SH3BP2: variants seen among roughly 807,000 people sequenced by gnomAD.
The protein encoded by SH3BP2 is SH3 domain binding protein 2, also known as SH3 domain-binding protein 2.
Under a neutral mutation model 56.2 loss-of-function variants are expected in SH3BP2, and 38 were observed. The observed-to-expected ratio is 0.68, with a 90% CI of 0.52 to 0.89. The LOEUF is 0.89. Among genes scored for constraint, SH3BP2 ranks in the 40% least tolerant of loss-of-function variants. The pLI, the probability that SH3BP2 is intolerant of heterozygous loss-of-function variation, is 0.00. For missense variants in SH3BP2, 748 were observed against 762.6 expected (o/e 0.98, Z 0.23); for synonymous variants, 346 against 316.7 (o/e 1.09, Z -0.98).
chr4:2,831,973 G>A lies in SH3BP2; in HGVS notation c.1401G>A (p.Val467=). The change falls in exon 10 of 13, where the codon GTG becomes GTA. Residue 467 remains valine (V), a synonymous_variant. Coordinates refer to ENST00000503393, the MANE Select transcript of SH3BP2 (RefSeq NM_001122681.2). This position sits in a 1 kb window ranked among gnomAD's most constrained non-coding sequence, Gnocchi z 4.1. ...TCAACACCACGGAGTCCTGCGAAGT[G>A]GAAAGGTCAGCACAAAGCCCTGTGT... ...VFVNTTESCE[V]ERLFKATSPR... is the part of the protein sequence containing the mutation. 6.2e-7 allele frequency: 1 copy of A among 1,612,980 alleles called. No homozygotes were observed.
intron 2 of SH3BP2, among the ~76,000 whole-genome samples, chr4:2,821,050 C>G (rs1241388742): frequency 6.6e-6 from 1 of 152,158 alleles, no homozygotes; most frequent in African/African-American, 2.4e-5. Flanking sequence ...CTGGTGCTGC[C>G]CTCACTGAAT....
Position 2,834,041 on chromosome 4 carries a change from C to T in SH3BP2, c.*207C>T, listed in dbSNP as rs1178491031. ...GAACCAGGCGCCAGGCTCCAGAGGA[C>T]GAAGGGACTCTGTTGCCCCACACTA... On this transcript the variant is annotated 3_prime_UTR_variant, in exon 13 of 13. Coordinates refer to ENST00000503393, the MANE Select transcript of SH3BP2 (RefSeq NM_001122681.2). 7 of 610,252 alleles carry T rather than the reference C, an allele frequency of 1.1e-5. No individual in the cohort carries two copies. Among genetic ancestry groups the T allele is most frequent in the East Asian group, 2.8e-5 (1 of 35,662 alleles). 37.8% of individuals were successfully genotyped at this position (610,252 alleles called of 1,614,324 possible). A position where few individuals can be genotyped will look rare whatever the true frequency, so the allele number is the denominator to read the frequency against.
chr4:2,801,202 G>C (rs1013153618), intron 1 of SH3BP2, among the ~76,000 whole-genome samples: 1 of 151,518 alleles, frequency 6.6e-6, no homozygotes, highest in Non-Finnish European at 1.5e-5. Context: ...CGGGCCCACC[G>C]CCAGACCCTT....
intron 3 of SH3BP2, 79 bp from the exon 4 acceptor site, chr4:2,824,534 G>A (rs532385141): frequency 3.9e-5 from 41 of 1,056,288 alleles, no homozygotes; most frequent in Admixed American, 6.8e-5. Flanking sequence ...GTGCCGAGAC[G>A]TGTTCACAGG....
At chr4:2,809,482 C>T (rs1723659945) in intron 1 of SH3BP2, among the ~76,000 whole-genome samples, 1 of 152,122 alleles carries the variant, frequency 6.6e-6, no homozygotes, top group Non-Finnish European at 1.5e-5. Flanking sequence ...GCACCTGAGC[C>T]TCTCCTGAAG....
chr4:2,795,633 C>T (rs1723035505), intron 1 of SH3BP2, among the ~76,000 whole-genome samples: 1 of 152,162 alleles, frequency 6.6e-6, no homozygotes, highest in African/African-American at 2.4e-5. Context: ...GGCTCCCACC[C>T]CTCGGGCCAA....
chr4:2,832,915 C>A, intron 11 of SH3BP2, 75 bp from the exon 12 acceptor site: 1 of 1,463,082 alleles, frequency 6.8e-7, no homozygotes, highest in Non-Finnish European at 9.6e-7. Context: ...GCCCCCCTAT[C>A]CCCAGCCCAT....
In SH3BP2 at chr4:2,829,444, G is replaced by A. The variant is rs1284903759; in HGVS notation, c.587-49G>A. The A allele has an allele frequency of 1.2e-6, 2 of 1,601,658 alleles. No individual in the cohort carries two copies. Among genetic ancestry groups the A allele is most frequent in the Non-Finnish European group, 1.7e-6 (2 of 1,169,576 alleles). On this transcript the variant is annotated intron_variant, in intron 7 of 12. Coordinates refer to ENST00000503393, the MANE Select transcript of SH3BP2 (RefSeq NM_001122681.2). This position sits in a 1 kb window ranked among gnomAD's most constrained non-coding sequence, Gnocchi z 4.9. ...CTGACCACTGCCAGCAGAGGATAGTGTTGGCCCAGTCTCTGTCAGGGTCCA... is the reference window on the plus strand; with the variant it reads ...CTGACCACTGCCAGCAGAGGATAGTATTGGCCCAGTCTCTGTCAGGGTCCA...
At chr4:2,814,532 G>A (rs1174364446) in intron 1 of SH3BP2, among the ~76,000 whole-genome samples, 1 of 152,186 alleles carries the variant, frequency 6.6e-6, no homozygotes, top group Non-Finnish European at 1.5e-5. Flanking sequence ...ACGCACAAGT[G>A]TACAGGCTCA....
intron 1 of SH3BP2, chr4:2,798,945 C>G: frequency 1.0e-6 from 1 of 976,572 alleles, no homozygotes; most frequent in Non-Finnish European, 1.2e-6. Context: ...GTGTGCCCAT[C>G]CAGCTGCTGG....
Position 2,810,970 on chromosome 4 carries a change from T to C in SH3BP2, c.-4-9644T>C, listed in dbSNP as rs1723724716. 1.3e-5 allele frequency among the ~76,000 whole-genome samples: 2 copies of C among 152,172 alleles called. No individual in the cohort carries two copies. Among genetic ancestry groups the C allele is most frequent in the Non-Finnish European group, 2.9e-5 (2 of 68,038 alleles). ...GGCCAGCCTTCTGCTGAAGGTGTGG[T>C]CTGCCCTTGGCCACCTGAGGGGACT... On this transcript the variant is annotated intron_variant, in intron 1 of 12. Coordinates refer to ENST00000503393, the MANE Select transcript of SH3BP2 (RefSeq NM_001122681.2). This position sits in a 1 kb window ranked among gnomAD's most constrained non-coding sequence, Gnocchi z 4.2.
rs1724830269 is a variant in SH3BP2, at chr4:2,829,011, G to A, written c.587-482G>A. Among the ~76,000 whole-genome samples the A allele has an allele frequency of 6.6e-6, 1 of 152,126 alleles. No homozygotes were observed. The highest frequency in any genetic ancestry group is 2.4e-5 in the African/African-American group (1 of 41,422). On this transcript the variant is annotated intron_variant, in intron 7 of 12. Coordinates refer to ENST00000503393, the MANE Select transcript of SH3BP2 (RefSeq NM_001122681.2). This position sits in a 1 kb window ranked among gnomAD's most constrained non-coding sequence, Gnocchi z 4.9. The stretch of plus-strand genomic sequence containing the variant: ...GCCCGCTCCGAGTCATGTCCAGCCT[G>A]GATTTTTGAACTCTGCACACATTCC...
intron 5 of SH3BP2, 36 bp downstream of exon 5, chr4:2,825,232 G>C: frequency 6.5e-7 from 1 of 1,531,788 alleles, no homozygotes; most frequent in Admixed American, 1.9e-5. Context: ...GGCAGTGAGG[G>C]TCCCTGGGGC....
rs751876864 is a variant in SH3BP2, at chr4:2,827,327, T to C, written c.517+9T>C. On this transcript the variant is annotated intron_variant, in intron 6 of 12. Coordinates refer to ENST00000503393, the MANE Select transcript of SH3BP2 (RefSeq NM_001122681.2). ...CCCCACGGACAATGAAGGTGAGGTC[T>C]TTCTCCGCATCCACTGCCCGTTTGC... 5 of 1,611,828 alleles carry C rather than the reference T, an allele frequency of 3.1e-6. No homozygotes were observed. The highest frequency in any genetic ancestry group is 1.7e-5 in the Admixed American group (1 of 60,028).
intron 1 of SH3BP2, chr4:2,818,252 G>C: frequency 1.0e-6 from 1 of 996,766 alleles, no homozygotes; most frequent in Middle Eastern, 5.1e-4. Flanking sequence ...CGGCCGCGGA[G>C]CTGGGGCCGG....
chr4:2,827,950 T>C (rs1724764390), intron 7 of SH3BP2, among the ~76,000 whole-genome samples: 3 of 152,142 alleles, frequency 2.0e-5, no homozygotes, highest in African/African-American at 7.2e-5. Flanking sequence ...GGGTTAAGCA[T>C]GGGGAAGGAA....
intron 2 of SH3BP2, among the ~76,000 whole-genome samples, chr4:2,821,016 C>G (rs891138966): frequency 1.3e-5 from 2 of 152,166 alleles, no homozygotes; most frequent in African/African-American, 4.8e-5. Context: ...CTGGGGACCA[C>G]AGGTGGCCAG....
chr4:2,828,520 T>C lies in SH3BP2; in HGVS notation c.586+846T>C, dbSNP rs562233924. Among the ~76,000 whole-genome samples the C allele has an allele frequency of 3.3e-5, 5 of 152,268 alleles. No individual in the cohort carries two copies. The South Asian group carries it at 1.0e-3, about 32-fold the overall frequency. On this transcript the variant is annotated intron_variant, in intron 7 of 12. Coordinates refer to ENST00000503393, the MANE Select transcript of SH3BP2 (RefSeq NM_001122681.2). The stretch of plus-strand genomic sequence containing the variant: ...TGCGGGCCGCTTGCCTCAGTTTCCT[T>C]CCATGCAGAGCTCTTGTCTCACAGT...
chr4:2,828,588 G>A (rs938271733), intron 7 of SH3BP2, among the ~76,000 whole-genome samples: 28 of 152,314 alleles, frequency 1.8e-4, no homozygotes, highest in African/African-American at 5.3e-4. Flanking sequence ...ACTGCCTTCC[G>A]TCTTAGCCTG....
Sources: allele counts gnomAD v4.1 joint callset (sites outside exome capture counted in the v4.1 genomes callset), GRCh38; gene constraint gnomAD v4.1.1; non-coding constraint Gnocchi (gnomAD v3.1); transcripts MANE v1.5; gene names NCBI Gene and HGNC (gene_info 2026-07-23, HGNC 2026-07-21).